Variants in EXOC4 observed in about 807,000 individuals in gnomAD.
EXOC4 encodes exocyst complex component 4.
A neutral mutation model predicts 107.2 loss-of-function variants in EXOC4; 71 were observed. The observed-to-expected ratio is 0.66, with a 90% CI of 0.55 to 0.81. The LOEUF is 0.81. EXOC4 is among the 30% of genes least tolerant of loss of function. The pLI, the probability that EXOC4 is intolerant of heterozygous loss-of-function variation, is 0.00. For synonymous variants in EXOC4, 456 were observed against 441.2 expected (o/e 1.03, Z -0.42); for missense variants, 1,108 against 1,189.6 (o/e 0.93, Z 1.01).
In EXOC4 at chr7:133,371,917, T is replaced by C. The variant is rs551182381; in HGVS notation, c.1008-2911T>C. 2.6e-5 allele frequency among the ~76,000 whole-genome samples: 4 copies of C among 152,338 alleles called. No individual in the cohort carries two copies. The East Asian group carries it at 5.8e-4, about 22-fold the overall frequency. On this transcript the variant is annotated intron_variant, in intron 6 of 17. Coordinates refer to ENST00000253861, the MANE Select transcript of EXOC4 (RefSeq NM_021807.4). ...ACTTTTTATTGCTTTTGTTTTTGAT[T>C]GTAACCATCCTAGTGGACCGAAATT...
intron 10 of EXOC4, among the ~76,000 whole-genome samples, chr7:133,697,271 G>A (rs1374510355): frequency 6.6e-6 from 1 of 151,630 alleles, no homozygotes; most frequent in Non-Finnish European, 1.5e-5. Context: ...TAAATTTTTT[G>A]TTTCTATTCA....
At chr7:133,610,619 C>G (rs1015265436) in intron 9 of EXOC4, among the ~76,000 whole-genome samples, 5 of 152,068 alleles carry the variant, frequency 3.3e-5, no homozygotes, top group Non-Finnish European at 5.9e-5. Flanking sequence ...CCATTTCTTC[C>G]ACTTTTTTTT....
intron 10 of EXOC4, among the ~76,000 whole-genome samples, chr7:133,810,925 G>A (rs775912504): frequency 2.0e-5 from 3 of 151,992 alleles, no homozygotes; most frequent in Non-Finnish European, 2.9e-5. Flanking sequence ...GAGCTACCGC[G>A]CCCGGCCAGA....
At chr7:134,042,344 A>G (rs768057262) in intron 17 of EXOC4, among the ~76,000 whole-genome samples, 2 of 152,242 alleles carry the variant, frequency 1.3e-5, no homozygotes, top group Non-Finnish European at 1.5e-5. Flanking sequence ...TTTTAATACA[A>G]TAAAGCCTTT....
chr7:133,322,414 C>T (rs904398457), intron 5 of EXOC4, among the ~76,000 whole-genome samples: 1 of 152,082 alleles, frequency 6.6e-6, no homozygotes, highest in African/African-American at 2.4e-5. Context: ...AGGAAAGGGT[C>T]CAGTTTCAGT....
chr7:133,692,401 G>A (rs967884693), intron 10 of EXOC4, among the ~76,000 whole-genome samples: 22 of 152,088 alleles, frequency 1.4e-4, no homozygotes, highest in African/African-American at 5.3e-4. Context: ...TATTATTTGT[G>A]TCTCCCCTAA....
chr7:133,269,965 TC>T (rs1793827759), intron 1 of EXOC4, among the ~76,000 whole-genome samples: 1 of 152,126 alleles, frequency 6.6e-6, no homozygotes. Flanking sequence ...TTTGGCTGTG[TC>T]CCCATCCACA....
At chr7:133,832,230 A>G (rs531931788) in intron 11 of EXOC4, among the ~76,000 whole-genome samples, 2 of 152,222 alleles carry the variant, frequency 1.3e-5, no homozygotes, top group South Asian at 2.1e-4. Flanking sequence ...CTTCAAAGAC[A>G]TTGTTTTACA....
chr7:134,097,510 T>C, the EXOC4 span, among the ~76,000 whole-genome samples: 3 of 152,188 alleles, frequency 2.0e-5, no homozygotes, highest in Non-Finnish European at 2.9e-5. Flanking sequence ...AGCAAGGCTG[T>C]TTTACCCTGC....
At chr7:133,541,356 CT>C (rs1395888062) in intron 9 of EXOC4, among the ~76,000 whole-genome samples, 1 of 152,086 alleles carries the variant, frequency 6.6e-6, no homozygotes, top group Non-Finnish European at 1.5e-5. Flanking sequence ...TAGAATCTCC[CT>C]GATAGCTATA....
intron 5 of EXOC4, among the ~76,000 whole-genome samples, chr7:133,334,495 T>C (rs1795466424): frequency 1.3e-5 from 2 of 152,178 alleles, no homozygotes. Flanking sequence ...CAATGTTCTT[T>C]TTATATCTGC....
intron 4 of EXOC4, among the ~76,000 whole-genome samples, chr7:133,312,676 T>G (rs971088365): frequency 5.3e-5 from 8 of 151,878 alleles, no homozygotes; most frequent in Non-Finnish European, 7.4e-5. Flanking sequence ...TTGTGTGACG[T>G]GGGGGGTGGA....
At chr7:133,505,454 G>A (rs749033914) in intron 9 of EXOC4, among the ~76,000 whole-genome samples, 2 of 151,918 alleles carry the variant, frequency 1.3e-5, no homozygotes, top group Non-Finnish European at 2.9e-5. Context: ...CTATGAAAAT[G>A]GTCAGTGAAA....
chr7:133,421,951 T>C (rs1047328067), intron 7 of EXOC4, among the ~76,000 whole-genome samples: 1 of 152,176 alleles, frequency 6.6e-6, no homozygotes, highest in Non-Finnish European at 1.5e-5. Flanking sequence ...CTAAGAGAAA[T>C]GGACATTTAA....
intron 10 of EXOC4, among the ~76,000 whole-genome samples, chr7:133,727,036 C>T (rs1795228688): frequency 6.6e-6 from 1 of 152,140 alleles, no homozygotes. Context: ...GAGATAGTTC[C>T]ATTAAATTTA....
intron 12 of EXOC4, among the ~76,000 whole-genome samples, chr7:133,915,082 G>A (rs1240825079): frequency 2.0e-5 from 3 of 152,160 alleles, no homozygotes; most frequent in Admixed American, 1.3e-4. Flanking sequence ...TTTTCAAAAA[G>A]CAGTAGATGG....
intron 10 of EXOC4, among the ~76,000 whole-genome samples, chr7:133,755,644 G>T (rs569878767): frequency 4.6e-5 from 7 of 151,772 alleles, no homozygotes; most frequent in African/African-American, 1.7e-4. Flanking sequence ...GCCTGGCATC[G>T]TTTATAATTT....
At chr7:133,551,045 T>C (rs1800578326) in intron 9 of EXOC4, among the ~76,000 whole-genome samples, 1 of 152,140 alleles carries the variant, frequency 6.6e-6, no homozygotes, top group African/African-American at 2.4e-5. Context: ...CCTGTCCTAA[T>C]GATTTCGTAC....
chr7:133,420,819 A>C (rs2150758593), intron 7 of EXOC4, among the ~76,000 whole-genome samples: 1 of 151,758 alleles, frequency 6.6e-6, no homozygotes, highest in South Asian at 2.1e-4. Context: ...TGGTCAGCAA[A>C]ATAATTTGTT....
Sources: allele counts gnomAD v4.1 joint callset (sites outside exome capture counted in the v4.1 genomes callset), GRCh38; gene constraint gnomAD v4.1.1; transcripts MANE v1.5; gene names NCBI Gene and HGNC (gene_info 2026-07-23, HGNC 2026-07-21).